ZBTB20: variants seen among roughly 807,000 people sequenced by gnomAD.
The protein encoded by ZBTB20 is zinc finger and BTB domain-containing protein 20.
ZBTB20 carries 9 observed loss-of-function variants against 56.9 expected under a neutral mutation model. The observed-to-expected ratio is 0.16, with a 90% confidence interval of 0.10 to 0.28. The LOEUF is 0.28. ZBTB20 is among the 10% of genes least tolerant of loss of function. ZBTB20 has a pLI of 1.00. For missense variants in ZBTB20, 655 were observed against 1,003.0 expected (o/e 0.65, Z 4.69); for synonymous variants, 417 against 420.7 (o/e 0.99, Z 0.11).
At chr3:114,932,139 C>T (rs2076382605) in intron 3 of ZBTB20, among the ~76,000 whole-genome samples, 1 of 152,200 alleles carries the variant, frequency 6.6e-6, no homozygotes, top group Non-Finnish European at 1.5e-5. Context: ...GGCAACTTGA[C>T]TTTGCCAGGG....
intron 5 of ZBTB20, among the ~76,000 whole-genome samples, chr3:114,777,849 C>T (rs375621193): frequency 6.6e-5 from 10 of 151,950 alleles, no homozygotes; most frequent in South Asian, 6.2e-4. Context: ...CCAACCCAAA[C>T]GTCCAACAAT....
chr3:114,913,025 C>G (rs2075603660), intron 3 of ZBTB20, among the ~76,000 whole-genome samples: 1 of 151,954 alleles, frequency 6.6e-6, no homozygotes, highest in Non-Finnish European at 1.5e-5. Flanking sequence ...GCTATTTTAA[C>G]TAGTGCTGCA....
chr3:114,525,414 T>TC (rs543554751), intron 6 of ZBTB20, among the ~76,000 whole-genome samples: 3 of 152,210 alleles, frequency 2.0e-5, no homozygotes, highest in African/African-American at 7.2e-5. Flanking sequence ...ATTTCACTAC[T>TC]CCCCCAAAAC....
rs1246271773 is a variant in ZBTB20, at chr3:114,884,086, C to T, written c.-417+16218G>A. Among the ~76,000 whole-genome samples, 4 of 149,810 alleles carry T rather than the reference C, an allele frequency of 2.7e-5. No individual in the cohort carries two copies. The East Asian group carries it at 5.9e-4, about 22-fold the overall frequency. Reference sequence around the variant, plus strand: ...GACTACAGGCGCCCGCCACTACGCCCGGCTAATTTTTTGTATTTTTAGTAG... The same window carrying T: ...GACTACAGGCGCCCGCCACTACGCCTGGCTAATTTTTTGTATTTTTAGTAG... On this transcript the variant is annotated intron_variant, in intron 4 of 11. Coordinates refer to ENST00000675478, the MANE Select transcript of ZBTB20 (RefSeq NM_001348800.3).
rs999252541 is a variant in ZBTB20, at chr3:114,933,881, G to A, written c.-455-33539C>T. The stretch of plus-strand genomic sequence containing the variant: ...CTATTCCACCTACCCCTCCCCCTTC[G>A]GTATCAGCAAAGCAATATGCTCTCT... On this transcript the variant is annotated intron_variant, in intron 3 of 11. Coordinates refer to ENST00000675478, the MANE Select transcript of ZBTB20 (RefSeq NM_001348800.3). Among the ~76,000 whole-genome samples the A allele has an allele frequency of 6.6e-5, 10 of 151,820 alleles. No individual in the cohort carries two copies. In the East Asian group the frequency reaches 1.5e-3, roughly 23 times the overall value.
At chr3:114,946,591 C>T (rs1412902389) in intron 3 of ZBTB20, among the ~76,000 whole-genome samples, 1 of 145,256 alleles carries the variant, frequency 6.9e-6, no homozygotes, top group Non-Finnish European at 1.5e-5. Flanking sequence ...AACAAGTTTA[C>T]ATCAATAAAC....
chr3:114,650,397 C>T (rs571656939), intron 6 of ZBTB20, among the ~76,000 whole-genome samples: 1 of 151,962 alleles, frequency 6.6e-6, no homozygotes, highest in African/African-American at 2.4e-5. Flanking sequence ...GCACTTTTGT[C>T]TGTCAATACT....
At chr3:114,984,334 C>T (rs1198614963) in intron 2 of ZBTB20, among the ~76,000 whole-genome samples, 1 of 151,964 alleles carries the variant, frequency 6.6e-6, no homozygotes, top group African/African-American at 2.4e-5. Flanking sequence ...TATACATGTG[C>T]CTTGTTGGTG....
At chr3:115,067,297 G>A (rs970592438) in intron 2 of ZBTB20, among the ~76,000 whole-genome samples, 1 of 151,692 alleles carries the variant, frequency 6.6e-6, no homozygotes, top group Non-Finnish European at 1.5e-5. Flanking sequence ...CCACAAACCC[G>A]GGAAGCAATT....
chr3:114,741,980 T>C (rs974433230), intron 5 of ZBTB20, among the ~76,000 whole-genome samples: 12 of 151,278 alleles, frequency 7.9e-5, no homozygotes, highest in African/African-American at 2.9e-4. Context: ...AGAAGTAGAG[T>C]ATGAACAATT....
chr3:115,008,384 C>T (rs1472967682), intron 2 of ZBTB20, among the ~76,000 whole-genome samples: 2 of 151,802 alleles, frequency 1.3e-5, no homozygotes, highest in East Asian at 3.9e-4. Context: ...GGGTTAAAGG[C>T]AGGGCTAGGA....
intron 10 of ZBTB20, chr3:114,367,024 T>C (rs2082476822): frequency 6.6e-6 from 1 of 152,272 alleles, no homozygotes; most frequent in Admixed American, 6.5e-5. Context: ...TGCATTTCTT[T>C]ACTTGTAAGT....
chr3:114,361,103 T>C lies in ZBTB20; in HGVS notation c.200-9225A>G, dbSNP rs1224947494. Among the ~76,000 whole-genome samples the C allele has an allele frequency of 2.6e-5, 4 of 152,196 alleles. No homozygotes were observed. The East Asian group carries it at 7.7e-4, about 29-fold the overall frequency. On this transcript the variant is annotated intron_variant, in intron 10 of 11. Coordinates refer to ENST00000675478, the MANE Select transcript of ZBTB20 (RefSeq NM_001348800.3). ...TATTGTCAAAAAAGACATTGAGCTA[T>C]AGAAGTCTCCTATAGCTATAGCTAA...
chr3:114,759,782 A>G (rs2068302414), intron 5 of ZBTB20, among the ~76,000 whole-genome samples: 1 of 152,168 alleles, frequency 6.6e-6, no homozygotes, highest in Non-Finnish European at 1.5e-5. Context: ...TGACTCCCAA[A>G]TATATGCTAC....
rs559518136 is a variant in ZBTB20, at chr3:114,877,801, T to G, written c.-417+22503A>C. 4.6e-5 allele frequency among the ~76,000 whole-genome samples: 7 copies of G among 152,282 alleles called. No homozygotes were observed. In the South Asian group the frequency reaches 1.4e-3, roughly 32 times the overall value. On this transcript the variant is annotated intron_variant, in intron 4 of 11. Coordinates refer to ENST00000675478, the MANE Select transcript of ZBTB20 (RefSeq NM_001348800.3). ...TGCTTTTTTTTCTAAACTAAATATT[T>G]CTTCCATCTAATGACTCTCTTTATT...
At chr3:114,394,121 C>T (rs577811751) in intron 7 of ZBTB20, among the ~76,000 whole-genome samples, 1 of 152,266 alleles carries the variant, frequency 6.6e-6, no homozygotes, top group Non-Finnish European at 1.5e-5. Flanking sequence ...TATTGGATGT[C>T]TAAATTTTAT....
intron 7 of ZBTB20, among the ~76,000 whole-genome samples, chr3:114,426,844 G>A (rs1576706809): frequency 6.6e-6 from 1 of 152,048 alleles, no homozygotes; most frequent in East Asian, 1.9e-4. Context: ...TATTGTAGTT[G>A]TTTATAAATT....
intron 4 of ZBTB20, among the ~76,000 whole-genome samples, chr3:114,843,289 T>C (rs2074474994): frequency 6.6e-6 from 1 of 152,208 alleles, no homozygotes; most frequent in East Asian, 1.9e-4. Flanking sequence ...TCATACCATG[T>C]AGGCAGGCCC....
At chr3:114,468,649 T>G (rs529268266) in intron 7 of ZBTB20, among the ~76,000 whole-genome samples, 1 of 152,210 alleles carries the variant, frequency 6.6e-6, no homozygotes, top group Non-Finnish European at 1.5e-5. Flanking sequence ...GACATTTTGG[T>G]TGCATTCTGA....
Sources: gnomAD v4.1 joint callset for allele counts (sites outside exome capture counted in the v4.1 genomes callset) on GRCh38, gnomAD v4.1.1 for gene constraint, MANE v1.5 for transcripts, NCBI Gene and HGNC (gene_info 2026-07-23, HGNC 2026-07-21) for gene names.